Variants in GPR158 observed in about 807,000 individuals in gnomAD.
The protein encoded by GPR158 is metabotropic glycine receptor.
A neutral mutation model predicts 78.2 loss-of-function variants in GPR158; 30 were observed. That is an observed-to-expected ratio of 0.38 (90% CI 0.29 to 0.52). The LOEUF is 0.52. Ranked by LOEUF, GPR158 falls within the 20% of genes least tolerant of loss-of-function variation. The pLI is 0.83. For missense variants in GPR158, 1,463 were observed against 1,523.5 expected, an observed-to-expected ratio of 0.96 and a Z score of 0.66; for synonymous variants, 581 against 591.1, an observed-to-expected ratio of 0.98 and a Z score of 0.25.
At chr10:25,235,474 AG>A (rs1197326221) in intron 2 of GPR158, among the ~76,000 whole-genome samples, 2 of 147,932 alleles carry the variant, frequency 1.4e-5, no homozygotes, top group Admixed American at 6.8e-5. Flanking sequence ...ATCTGCTCTT[AG>A]CTTGCTTGTA....
chr10:25,273,412 T>C (rs915441110), intron 2 of GPR158, among the ~76,000 whole-genome samples: 11 of 151,730 alleles, frequency 7.2e-5, no homozygotes, highest in African/African-American at 2.7e-4. Flanking sequence ...TTTTTTTTTT[T>C]TTTTTTTGCA....
chr10:25,550,888 T>C, intron 5 of GPR158, 88 bp from the exon 6 acceptor site: 2 of 748,736 alleles, frequency 2.7e-6, no homozygotes, highest in Admixed American at 1.9e-5. Flanking sequence ...AAAATTCATA[T>C]GTATGAAACA....
At chr10:25,266,684 A>G (rs1264278571) in intron 2 of GPR158, among the ~76,000 whole-genome samples, 1 of 152,150 alleles carries the variant, frequency 6.6e-6, no homozygotes, top group Non-Finnish European at 1.5e-5. Context: ...ATAGCCAGGC[A>G]AATAAATTCT....
At chr10:25,530,300 G>A (rs1223291193) in intron 5 of GPR158, among the ~76,000 whole-genome samples, 6 of 152,180 alleles carry the variant, frequency 3.9e-5, no homozygotes, top group African/African-American at 1.2e-4. Context: ...ATCTGGTTAC[G>A]GCACCAAGAA....
rs1231272383 is a variant in GPR158, at chr10:25,176,150, C to A, written c.730C>A (p.Arg244=). The A allele has an allele frequency of 1.3e-6, 2 of 1,573,072 alleles. No homozygotes were observed. Among genetic ancestry groups the A allele is most frequent in the East Asian group, 2.3e-5 (1 of 43,400 alleles). ...LHRRGPNQGP[R]GLGHSWRRKD... ...CCGCCGCGGCCCCAATCAGGGGCCC[C>A]GGGGCCTGGGCCACAGCTGGCGGCG... Residue 244 remains arginine (R), a synonymous_variant, in exon 1 of 11, where the codon CGG becomes AGG. Coordinates refer to ENST00000376351, the MANE Select transcript of GPR158 (RefSeq NM_020752.3). The surrounding 1 kb of genome is among the most constrained non-coding windows in gnomAD (Gnocchi z 6.3).
intron 4 of GPR158, among the ~76,000 whole-genome samples, chr10:25,459,678 G>A (rs1244384385): frequency 1.3e-5 from 2 of 152,206 alleles, no homozygotes; most frequent in South Asian, 2.1e-4. Flanking sequence ...TACATCCAGT[G>A]ACTTAGCTTC....
At chr10:25,329,492 A>G (rs1855088470) in intron 2 of GPR158, among the ~76,000 whole-genome samples, 1 of 151,900 alleles carries the variant, frequency 6.6e-6, no homozygotes, top group Non-Finnish European at 1.5e-5. Context: ...CTGCCATACA[A>G]ATATTCAATG....
At chr10:25,534,803 G>A (rs1279117166) in intron 5 of GPR158, among the ~76,000 whole-genome samples, 1 of 151,892 alleles carries the variant, frequency 6.6e-6, no homozygotes, top group African/African-American at 2.4e-5. Flanking sequence ...AGACAGACAG[G>A]GATCCGAATT....
At chr10:25,180,405 A>G (rs547681666) in intron 1 of GPR158, among the ~76,000 whole-genome samples, 1 of 152,330 alleles carries the variant, frequency 6.6e-6, no homozygotes, top group South Asian at 2.1e-4. Context: ...CTGTCCAGCT[A>G]TGAAGCCTGT....
intron 2 of GPR158, among the ~76,000 whole-genome samples, chr10:25,270,338 C>T (rs1854101499): frequency 6.6e-6 from 1 of 151,310 alleles, no homozygotes; most frequent in Non-Finnish European, 1.5e-5. Context: ...ATTTTTTTTT[C>T]CTCCGATGTG....
Position 25,594,306 on chromosome 10 carries a change from C to T in GPR158, c.1907C>T (p.Ser636Leu). ...TCTCATTTCAGATTTGTTCTTGCCT[C>T]AAGACTTCAGTCTGATTGGATGTTG... is the stretch of plus-strand genomic sequence containing the variant. Reference protein sequence around the residue: ...IFHTIRFVLASRLQSDWMLML... With the variant: ...IFHTIRFVLALRLQSDWMLML... Residue 636 changes from serine to leucine, a missense_variant, in exon 9 of 11, where the codon TCA (serine) becomes TTA (leucine). Transcript: ENST00000376351. 1 of 1,554,334 alleles carries T rather than the reference C, an allele frequency of 6.4e-7. No individual in the cohort carries two copies. The highest frequency in any genetic ancestry group is 8.9e-7 in the Non-Finnish European group (1 of 1,126,608).
At chr10:25,188,229 G>A (rs541061056) in intron 1 of GPR158, among the ~76,000 whole-genome samples, 1 of 152,180 alleles carries the variant, frequency 6.6e-6, no homozygotes, top group African/African-American at 2.4e-5. Context: ...TATAAATTCA[G>A]TGCCATCCCC....
In GPR158 at chr10:25,481,255, G is replaced by C. The variant is rs1306563769; in HGVS notation, c.1404+14536G>C. On this transcript the variant is annotated intron_variant, in intron 5 of 10. Transcript: ENST00000376351. ...TTCCTGCTGGGAGTTCCAGTTGGTG[G>C]GTTTAAAGCAAGCAGGCATGCATTC... Among the ~76,000 whole-genome samples, 3 of 152,206 alleles carry C rather than the reference G, an allele frequency of 2.0e-5. No individual in the cohort carries two copies. The East Asian group carries it at 5.8e-4, about 29-fold the overall frequency.
chr10:25,395,989 G>A lies in GPR158; in HGVS notation c.1087G>A (p.Val363Ile). ...CAAAGCAGGATTCTATCATCCTGGA[G>A]TCTTACCAGTGAACAACTTTCGGAG... is the stretch of plus-strand genomic sequence containing the variant. The part of the protein sequence containing the change: ...ICKAGFYHPG[V>I]LPVNNFRRRG... Residue 363 changes from valine (V) to isoleucine (I), a missense_variant, in exon 3 of 11, where the codon GTC becomes ATC. Val to Ile is a conservative substitution (Grantham distance 29). Transcript: ENST00000376351. 1 of 1,596,340 alleles carries A rather than the reference G, an allele frequency of 6.3e-7. No homozygotes were observed. The highest frequency in any genetic ancestry group is 8.6e-7 in the Non-Finnish European group (1 of 1,163,952).
rs1837447763 is a variant in GPR158, at chr10:25,598,657, G to T, written c.3031G>T (p.Val1011Phe). Residue 1011 changes from valine to phenylalanine, a missense_variant, in exon 11 of 11, where the codon GTT (valine) becomes TTT (phenylalanine). By Grantham distance (50) the Val-to-Phe change is conservative (BLOSUM62 -1). Transcript: ENST00000376351. ...FDIGEVCPWE[V>F]YDLTPGPVPS... ...CATTGGGGAGGTGTGTCCTTGGGAGGTTTATGACCTGACCCCTGGTCCTGT... is the reference window on the plus strand; with the variant it reads ...CATTGGGGAGGTGTGTCCTTGGGAGTTTTATGACCTGACCCCTGGTCCTGT... 3 of 1,613,738 alleles carry T rather than the reference G, an allele frequency of 1.9e-6. No individual in the cohort carries two copies. The African/African-American group carries it at 4.0e-5, about 22-fold the overall frequency.
At chr10:25,455,964 A>C (rs1328085918) in intron 4 of GPR158, among the ~76,000 whole-genome samples, 3 of 152,170 alleles carry the variant, frequency 2.0e-5, no homozygotes, top group Non-Finnish European at 4.4e-5. Flanking sequence ...AATGCCCCCA[A>C]GTTTGAGGCA....
intron 4 of GPR158, chr10:25,466,294 G>C (rs1159349519): frequency 1.2e-5 from 2 of 171,186 alleles, no homozygotes; most frequent in African/African-American, 2.4e-5. Flanking sequence ...CCTGAAGCCC[G>C]TGAGACCACG....
At chr10:25,468,917 A>G (rs1232558055) in intron 5 of GPR158, among the ~76,000 whole-genome samples, 1 of 152,226 alleles carries the variant, frequency 6.6e-6, no homozygotes, top group Non-Finnish European at 1.5e-5. Context: ...GAAAGCAGTA[A>G]AGACAGGATG....
At chr10:25,241,262 T>C (rs200993476) in intron 2 of GPR158, among the ~76,000 whole-genome samples, 5,737 of 116,612 alleles carry the variant, frequency 0.049, 526 homozygotes, top group Non-Finnish European at 0.067. Flanking sequence ...TTCTTTCCTT[T>C]CTTTCTTTCC....
Sources: gnomAD v4.1 joint callset for allele counts (sites outside exome capture counted in the v4.1 genomes callset) on GRCh38, gnomAD v4.1.1 for gene constraint, Gnocchi (gnomAD v3.1) non-coding constraint, MANE v1.5 for transcripts, NCBI Gene and HGNC (gene_info 2026-07-23, HGNC 2026-07-21) for gene names.